SKOR2: variants seen among roughly 807,000 people sequenced by gnomAD.
SKOR2 encodes the protein SKI family transcriptional corepressor 2.
In SKOR2, 47 loss-of-function variants were observed where a neutral mutation model predicts 69.1. The ratio of observed to expected loss-of-function variants is 0.68; its 90% confidence interval spans 0.54 to 0.87. The LOEUF is 0.87. SKOR2 is among the 40% of genes least tolerant of loss of function. SKOR2 has a pLI of 0.00. For missense variants in SKOR2, 1,404 were observed against 1,472.2 expected, an observed-to-expected ratio of 0.95 and a Z score of 0.76; for synonymous variants, 717 against 672.6, an observed-to-expected ratio of 1.07 and a Z score of -1.02.
intron 7 of SKOR2, among the ~76,000 whole-genome samples, chr18:47,212,872 G>A (rs1368778517): frequency 1.3e-5 from 2 of 152,102 alleles, no homozygotes; most frequent in Non-Finnish European, 2.9e-5. Flanking sequence ...GCTGAGGTGG[G>A]AAGAACGCTT....
At chr18:47,213,093 T>G (rs1314768378) in intron 7 of SKOR2, among the ~76,000 whole-genome samples, 3 of 152,078 alleles carry the variant, frequency 2.0e-5, no homozygotes, top group Non-Finnish European at 4.4e-5. Flanking sequence ...CTGATCACAG[T>G]TGGTATGCTA....
At chr18:47,222,028 C>A (rs139020704) in intron 6 of SKOR2, among the ~76,000 whole-genome samples, 158 of 152,246 alleles carry the variant, frequency 1.0e-3, no homozygotes, top group Middle Eastern at 6.8e-3. Flanking sequence ...GCATTTTAAG[C>A]TTTGATGACA....
In SKOR2 at chr18:47,248,260, C is replaced by G. The variant is rs1262520516; in HGVS notation, c.924G>C (p.Arg308=). The stretch of plus-strand genomic sequence containing the variant: ...AGTCGTCGTCGTCGTCGAAGCGCGG[C>G]CGCTTGTGATGGGCGTGCGGGGCAC... ...LAGAPHAHHK[R]PRFDDDDDSL... The change falls in exon 2 of 9, where the codon CGG becomes CGC. Residue 308 remains arginine (R), a synonymous_variant. Transcript: ENST00000425639. This position sits in a 1 kb window ranked among gnomAD's most constrained non-coding sequence, Gnocchi z 6.4. 8.2e-7 allele frequency: 1 copy of G among 1,221,122 alleles called. No homozygotes were observed. The allele number at this position is 1,221,122 out of a possible 1,614,324, so 75.6% of individuals were successfully genotyped here.
At chr18:47,235,780 C>CAAAAAAAAAAAAAAAA (rs11433396) in intron 4 of SKOR2, among the ~76,000 whole-genome samples, 1 of 59,274 alleles carries the variant, frequency 1.7e-5, no homozygotes, top group African/African-American at 5.3e-5. Flanking sequence ...CACAAACAAG[C>CAAAAAAAAAAAAAAAA]AAAAAAAAAA....
At chr18:47,212,982 A>C (rs2064132326) in intron 7 of SKOR2, among the ~76,000 whole-genome samples, 1 of 152,128 alleles carries the variant, frequency 6.6e-6, no homozygotes, top group Non-Finnish European at 1.5e-5. Flanking sequence ...ACACACAAAG[A>C]AGCATCAGAA....
At chr18:47,222,306 A>G (rs1390156684) in intron 6 of SKOR2, among the ~76,000 whole-genome samples, 1 of 150,168 alleles carries the variant, frequency 6.7e-6, no homozygotes, top group Non-Finnish European at 1.5e-5. Context: ...ACAAAGTGAG[A>G]CTCTGCCTCA....
At chr18:47,214,473 A>C (rs2064137664) in intron 7 of SKOR2, among the ~76,000 whole-genome samples, 1 of 152,186 alleles carries the variant, frequency 6.6e-6, no homozygotes. Flanking sequence ...AAAAGCCAAA[A>C]AACAACAAAG....
intron 4 of SKOR2, among the ~76,000 whole-genome samples, chr18:47,237,047 T>A (rs907912822): frequency 6.6e-6 from 1 of 152,226 alleles, no homozygotes; most frequent in Non-Finnish European, 1.5e-5. Flanking sequence ...TACAAATACA[T>A]TCCACAAATA....
intron 6 of SKOR2, among the ~76,000 whole-genome samples, chr18:47,222,314 T>C (rs866789852): frequency 1.4e-3 from 198 of 142,104 alleles, no homozygotes; most frequent in African/African-American, 4.6e-3. Context: ...AGACTCTGCC[T>C]CAAAAAAAAA....
At chr18:47,219,116 A>G (rs1295839437) in intron 7 of SKOR2, among the ~76,000 whole-genome samples, 3 of 152,254 alleles carry the variant, frequency 2.0e-5, no homozygotes, top group African/African-American at 7.2e-5. Context: ...AGCACGGATC[A>G]GTACAGAAAT....
chr18:47,249,068 T>A lies in SKOR2; in HGVS notation c.116A>T (p.Asn39Ile). Residue 39 changes from asparagine (N) to isoleucine (I), a missense_variant, in exon 2 of 9, where the codon AAC (asparagine) becomes ATC (isoleucine). Physicochemically the swap from Asn to Ile is moderately radical, Grantham distance 149. Transcript: ENST00000425639. The stretch of plus-strand genomic sequence containing the variant: ...GTAGAGGATCACCTGGCCCACCTGG[T>A]TGGGTTTGAGGTTGGCGTGCCCTGG... ...PRPGHANLKP[N>I]QVGQVILYGI... 3.3e-6 allele frequency: 5 copies of A among 1,536,846 alleles called. No homozygotes were observed. Among genetic ancestry groups the A allele is most frequent in the Non-Finnish European group, 4.4e-6 (5 of 1,147,086 alleles).
intron 4 of SKOR2, among the ~76,000 whole-genome samples, chr18:47,239,853 ATT>A (rs1241908020): frequency 1.3e-5 from 2 of 152,234 alleles, no homozygotes; most frequent in African/African-American, 4.8e-5. Flanking sequence ...GTTTTATCAA[ATT>A]TTATAGGTAC....
At chr18:47,237,121 C>T (rs757848345) in intron 4 of SKOR2, among the ~76,000 whole-genome samples, 7 of 152,188 alleles carry the variant, frequency 4.6e-5, no homozygotes, top group Non-Finnish European at 7.3e-5. Flanking sequence ...TATTCTAAAT[C>T]CTTAGTTGTC....
At chr18:47,224,072 C>CT (rs369049469) in intron 6 of SKOR2, among the ~76,000 whole-genome samples, 1,903 of 151,806 alleles carry the variant, frequency 0.013, 20 homozygotes, top group Middle Eastern at 0.071. Context: ...TGCCTGGCTA[C>CT]TTTTTTTGTA....
intron 8 of SKOR2, among the ~76,000 whole-genome samples, chr18:47,210,195 CAA>C (rs1410378655): frequency 1.3e-5 from 2 of 152,130 alleles, no homozygotes; most frequent in African/African-American, 2.4e-5. Context: ...CAAAAACAGA[CAA>C]AGTTTTTACC....
intron 6 of SKOR2, among the ~76,000 whole-genome samples, chr18:47,225,272 T>G (rs1381473901): frequency 6.6e-6 from 1 of 152,208 alleles, no homozygotes; most frequent in Non-Finnish European, 1.5e-5. Context: ...CATTAGTGCT[T>G]TCCTGTAATA....
chr18:47,248,500 C>G lies in SKOR2; in HGVS notation c.684G>C (p.Trp228Cys). 6.5e-7 allele frequency: 1 copy of G among 1,536,784 alleles called. No individual in the cohort carries two copies. The change falls in exon 2 of 9, where the codon TGG becomes TGC. Residue 228 changes from tryptophan to cysteine, a missense_variant. This residue lies in a region of SKOR2 where 1,266 missense variants were observed against 1,309.9 expected (regional missense o/e 0.97). Transcript: ENST00000425639. The surrounding 1 kb of genome is among the most constrained non-coding windows in gnomAD (Gnocchi z 6.4). ...CGTTGAACATGGCCTTGACGTCCTC[C>G]CAGGCGAAGACCAGCTCGTCCTGGG... ...KSPQDELVFA[W>C]EDVKAMFNGG...
intron 4 of SKOR2, among the ~76,000 whole-genome samples, chr18:47,232,435 A>T (rs541170218): frequency 1.3e-5 from 2 of 152,352 alleles, no homozygotes; most frequent in East Asian, 1.9e-4. Flanking sequence ...CAGAATTTTT[A>T]AAAAATTCAA....
Position 47,249,147 on chromosome 18 carries a change from G to A in SKOR2, c.37C>T (p.Leu13=). The A allele has an allele frequency of 6.5e-7, 1 of 1,535,650 alleles. No individual in the cohort carries two copies. The highest frequency in any genetic ancestry group is 8.7e-7 in the Non-Finnish European group (1 of 1,146,632). ...SSPLPGPNDI[L]LASPSSAFQP... ...AAGGCGCTCGACGGCGACGCCAGCA[G>A]GATGTCGTTGGGCCCTGGCAGCGGA... is the stretch of plus-strand genomic sequence containing the variant. Residue 13 remains leucine (L), a synonymous_variant, in exon 2 of 9, where the codon CTG becomes TTG. Coordinates refer to ENST00000425639, the MANE Select transcript of SKOR2 (RefSeq NM_001278063.4).
Sources: allele counts gnomAD v4.1 joint callset (sites outside exome capture counted in the v4.1 genomes callset), GRCh38; gene constraint gnomAD v4.1.1; regional missense constraint gnomAD v4.1.1; non-coding constraint Gnocchi (gnomAD v3.1); transcripts MANE v1.5; gene names NCBI Gene and HGNC (gene_info 2026-07-23, HGNC 2026-07-21).